Variants in EDEM3 observed in about 807,000 individuals in gnomAD.
The protein encoded by EDEM3 is ER degradation-enhancing alpha-mannosidase-like protein 3.
In EDEM3, 60 loss-of-function variants were observed where a neutral mutation model predicts 110.2. The ratio of observed to expected loss-of-function variants is 0.54; its 90% CI spans 0.44 to 0.67. EDEM3 has a LOEUF of 0.67. Ranked by LOEUF, EDEM3 falls within the 30% of genes least tolerant of loss-of-function variation. EDEM3 has a pLI of 0.00. For missense variants in EDEM3, 996 were observed against 1,121.0 expected (o/e 0.89, Z 1.59); for synonymous variants, 352 against 382.9 (o/e 0.92, Z 0.94).
chr1:184,700,748 G>C (rs751700784), intron 19 of EDEM3, among the ~76,000 whole-genome samples: 4 of 151,966 alleles, frequency 2.6e-5, no homozygotes, highest in Non-Finnish European at 5.9e-5. Context: ...AACCGCTACA[G>C]ACTGTGTAGC....
intron 15 of EDEM3, among the ~76,000 whole-genome samples, 155 bp from the exon 16 acceptor site, chr1:184,710,702 G>T (rs1021173257): frequency 4.6e-5 from 7 of 152,132 alleles, no homozygotes; most frequent in African/African-American, 1.7e-4. Context: ...ATATAATTTA[G>T]GTTAACAAGT....
intron 13 of EDEM3, among the ~76,000 whole-genome samples, chr1:184,716,400 ACATCTATCCAG>A (rs1456630029): frequency 6.6e-5 from 10 of 152,130 alleles, no homozygotes; most frequent in South Asian, 6.2e-4. Flanking sequence ...CATACCATCT[ACATCTATCCAG>A]TGTCTAATGA....
intron 8 of EDEM3, 59 bp from the exon 9 acceptor site, chr1:184,721,445 A>G: frequency 7.6e-7 from 1 of 1,315,224 alleles, no homozygotes; most frequent in Non-Finnish European, 1.1e-6. Flanking sequence ...AAATTTTTTT[A>G]AAAAAATAGC....
intron 19 of EDEM3, among the ~76,000 whole-genome samples, chr1:184,700,481 G>C (rs1489359710): frequency 6.6e-6 from 1 of 151,768 alleles, no homozygotes; most frequent in Admixed American, 6.6e-5. Flanking sequence ...ACATAGCTGG[G>C]AGACAAAAAA....
intron 13 of EDEM3, among the ~76,000 whole-genome samples, chr1:184,715,144 C>T (rs1158063115): frequency 6.6e-6 from 1 of 152,014 alleles, no homozygotes; most frequent in Non-Finnish European, 1.5e-5. Flanking sequence ...GTGCTGTGTG[C>T]CAGACACATC....
rs1275691321 is a variant in EDEM3 at position 184,723,783 on chromosome 1, A to G, written c.821T>C (p.Ile274Thr). ...QRSSNLVGVT[I>T]NIHTGDWVRK... ...TACCCAATCTCCAGTATGAATATTT[A>G]TAGTCACGCCCACTAAATTACTACT... Residue 274 changes from isoleucine (I) to threonine (T), a missense_variant, in exon 8 of 20, where the codon ATA (isoleucine) becomes ACA (threonine). Around this residue, in one of 5 missense-constraint regions of EDEM3, gnomAD observed 310 missense variants for 394.6 expected, o/e 0.79. Transcript: ENST00000318130. 6.2e-7 allele frequency: 1 copy of G among 1,602,784 alleles called. No homozygotes were observed. Among genetic ancestry groups the G allele is most frequent in the Non-Finnish European group, 8.5e-7 (1 of 1,176,232 alleles).
In EDEM3 at chr1:184,708,323, CA is replaced by C; in HGVS notation, c.1866del (p.Glu623LysfsTer4). 2.5e-6 allele frequency: 4 copies of C among 1,612,218 alleles called. No individual in the cohort carries two copies. The highest frequency in any genetic ancestry group is 3.4e-6 in the Non-Finnish European group (4 of 1,179,556). On this transcript the variant is annotated frameshift_variant, in exon 17 of 20. Transcript: ENST00000318130. LOFTEE classifies it high-confidence loss of function. ...TCCTGCATGAACCTCAACCCATCTT[CA>C]GCGTCGATTGAACTAGCAGCCTATG... Reference protein sequence around the residue: ...HAIQAASSIDAEDGLRFMQEM... With the variant: ...HAIQAASSIDXEDGLRFMQEM...
chr1:184,694,908 T>C (rs2102051366), intron 19 of EDEM3, among the ~76,000 whole-genome samples: 1 of 152,176 alleles, frequency 6.6e-6, no homozygotes. Flanking sequence ...TCAAATAATA[T>C]TCCTTTGAAA....
intron 2 of EDEM3, among the ~76,000 whole-genome samples, chr1:184,742,512 T>G (rs1363745696): frequency 6.6e-6 from 1 of 152,174 alleles, no homozygotes; most frequent in East Asian, 1.9e-4. Context: ...TGCCTCAGCC[T>G]CAAGAATAGT....
In EDEM3 at chr1:184,723,848, G is replaced by T; in HGVS notation, c.756C>A (p.Ala252=). 3 of 1,527,808 alleles carry T rather than the reference G, an allele frequency of 2.0e-6. No individual in the cohort carries two copies. The highest frequency in any genetic ancestry group is 2.6e-6 in the Non-Finnish European group (3 of 1,148,584). 94.6% of individuals were successfully genotyped at this position (1,527,808 alleles called of 1,614,324 possible). Residue 252 remains alanine, a synonymous_variant, in exon 8 of 20, where the codon GCC becomes GCA. Transcript: ENST00000318130. ...CCCAGAGAAAATCAAGAGCTTTTCTGGCATATTCCTGTAATTTAAAAAAAA... is the reference window on the plus strand; with the variant it reads ...CCCAGAGAAAATCAAGAGCTTTTCTTGCATATTCCTGTAATTTAAAAAAAA... ...FTGATIFEEY[A]RKALDFLWEK... is the part of the protein sequence containing the mutation.
chr1:184,695,096 T>C (rs1649260806), intron 19 of EDEM3, among the ~76,000 whole-genome samples: 1 of 152,026 alleles, frequency 6.6e-6, no homozygotes, highest in Non-Finnish European at 1.5e-5. Context: ...TAAAATCCAC[T>C]GGAAGGCTGA....
chr1:184,734,662 G>A lies in EDEM3; in HGVS notation c.346-19C>T, dbSNP rs751395671. On this transcript the variant is annotated intron_variant, in intron 4 of 19. Transcript: ENST00000318130. ...TTAAAACCTGGGAGAAGAAAATTATGAAATAAAGTTCTTTTCTACCAAGAC... is the reference window on the plus strand; with the variant it reads ...TTAAAACCTGGGAGAAGAAAATTATAAAATAAAGTTCTTTTCTACCAAGAC... 9 of 1,033,520 alleles carry A rather than the reference G, an allele frequency of 8.7e-6. No homozygotes were observed. Among genetic ancestry groups the A allele is most frequent in the African/African-American group, 8.1e-5 (5 of 61,380 alleles). The allele number at this position is 1,033,520 out of a possible 1,614,324, so 64.0% of individuals were successfully genotyped here.
intron 11 of EDEM3, 126 bp downstream of exon 11, chr1:184,719,036 A>C (rs1242719794): frequency 8.2e-6 from 4 of 484,850 alleles, no homozygotes; most frequent in Non-Finnish European, 1.4e-5. Context: ...AAAAATAAAA[A>C]GAACCAACAA....
intron 2 of EDEM3, among the ~76,000 whole-genome samples, chr1:184,746,928 C>T (rs375729234): frequency 6.6e-6 from 1 of 151,752 alleles, no homozygotes; most frequent in African/African-American, 2.4e-5. Context: ...AAATGACTTA[C>T]AGGCCCTGAA....
chr1:184,734,210 T>C (rs1474557049), intron 5 of EDEM3, among the ~76,000 whole-genome samples: 1 of 134,248 alleles, frequency 7.4e-6, no homozygotes, highest in African/African-American at 2.4e-5. Context: ...GGCTCACGCC[T>C]GTAATCCCAG....
chr1:184,693,973 T>A lies in EDEM3; in HGVS notation c.*90A>T. 1.5e-6 allele frequency: 2 copies of A among 1,378,216 alleles called. No individual in the cohort carries two copies. Among genetic ancestry groups the A allele is most frequent in the Non-Finnish European group, 2.0e-6 (2 of 1,016,408 alleles). The allele number at this position is 1,378,216 out of a possible 1,614,324, so 85.4% of individuals were successfully genotyped here. A position where few individuals can be genotyped will look rare whatever the true frequency, so the allele number is the denominator to read the frequency against. ...TCATCACCATACTTAAAGCCTCCCA[T>A]TAGAAAGCCTGCTTAGTATTAGGAT... On this transcript the variant is annotated 3_prime_UTR_variant, in exon 20 of 20. Transcript: ENST00000318130.
chr1:184,752,279 T>G (rs932828889), intron 1 of EDEM3, among the ~76,000 whole-genome samples: 1 of 152,180 alleles, frequency 6.6e-6, no homozygotes, highest in Non-Finnish European at 1.5e-5. Flanking sequence ...TCATGACAAT[T>G]CCAGTCTTTA....
rs771377588 is a variant in EDEM3 at position 184,737,710 on chromosome 1, T to A, written c.206A>T (p.Glu69Val). The A allele has an allele frequency of 3.1e-6, 5 of 1,613,036 alleles. No individual in the cohort carries two copies. In the South Asian group the frequency reaches 5.5e-5, roughly 18 times the overall value. The change falls in exon 3 of 20, where the codon GAA becomes GTA. Residue 69 changes from glutamate (E) to valine (V), a missense_variant and splice_region_variant. By Grantham distance (121) the Glu-to-Val change is moderately radical. Around this residue, in one of 5 missense-constraint regions of EDEM3, gnomAD observed 200 missense variants for 183.8 expected, o/e 1.09. Coordinates refer to ENST00000318130, the MANE Select transcript of EDEM3 (RefSeq NM_025191.4). ...MFDHAYGNYM[E>V]HAYPADELMP... ...GAGTTCATCAGCAGGGTAAGCATGTTCCTGCAAGGAAAACTTTAGTAAGTT... is the reference window on the plus strand; with the variant it reads ...GAGTTCATCAGCAGGGTAAGCATGTACCTGCAAGGAAAACTTTAGTAAGTT...
At chr1:184,733,138 TTTATGG>T (rs369543028) in intron 5 of EDEM3, 148 bp from the exon 6 acceptor site, 1 of 718,768 alleles carries the variant, frequency 1.4e-6, no homozygotes, top group Non-Finnish European at 2.1e-6. Context: ...CACTGCTCAT[TTTATGG>T]TAAGCCATTA....
Sources: allele counts gnomAD v4.1 joint callset (sites outside exome capture counted in the v4.1 genomes callset), GRCh38; gene constraint gnomAD v4.1.1; regional missense constraint gnomAD v4.1.1; transcripts MANE v1.5; gene names NCBI Gene and HGNC (gene_info 2026-07-23, HGNC 2026-07-21).